FKBP15: variants seen among roughly 807,000 people sequenced by gnomAD.
FKBP15 encodes FKBP prolyl isomerase family member 15.
FKBP15 carries 106 observed loss-of-function variants against 158.1 expected under a neutral mutation model. The ratio of observed to expected loss-of-function variants is 0.67; its 90% CI spans 0.57 to 0.79. The LOEUF (loss-of-function observed/expected upper bound fraction) is 0.79. FKBP15 is among the 30% of genes least tolerant of loss of function. The pLI, the probability that FKBP15 is intolerant of heterozygous loss-of-function variation, is 0.00. For synonymous variants in FKBP15, 547 were observed against 548.6 expected, an observed-to-expected ratio of 1.00 and a Z score of 0.04; for missense variants, 1,287 against 1,479.1, an observed-to-expected ratio of 0.87 and a Z score of 2.13.
Position 113,204,955 on chromosome 9 carries a change from T to G in FKBP15, c.324+1554A>C, listed in dbSNP as rs1447895881. 2.0e-5 allele frequency among the ~76,000 whole-genome samples: 3 copies of G among 152,202 alleles called. No individual in the cohort carries two copies. The East Asian group carries it at 5.8e-4, about 29-fold the overall frequency. On this transcript the variant is annotated intron_variant, in intron 4 of 27. Transcript: ENST00000238256. ...GCAATATCTAGGTTATTTGTGAGTC[T>G]GCTCCTAGTTTATTTGTTCCCTTGA...
At chr9:113,206,659 TG>T in intron 3 of FKBP15, 81 bp from the exon 4 acceptor site, 1 of 747,580 alleles carries the variant, frequency 1.3e-6, no homozygotes. Flanking sequence ...CATACAGAAG[TG>T]GGAACAACAG....
At chr9:113,215,185 G>C (rs915484919) in intron 1 of FKBP15, among the ~76,000 whole-genome samples, 1 of 152,184 alleles carries the variant, frequency 6.6e-6, no homozygotes, top group African/African-American at 2.4e-5. Context: ...TGGCACAAGA[G>C]GCCTAGCTTT....
Position 113,165,959 on chromosome 9 carries a change from T to G in FKBP15, c.*119A>C. The G allele has an allele frequency of 1.1e-6, 1 of 909,684 alleles. No individual in the cohort carries two copies. Among genetic ancestry groups the G allele is most frequent in the Non-Finnish European group, 1.7e-6 (1 of 603,804 alleles). 56.4% of individuals were successfully genotyped at this position (909,684 alleles called of 1,614,324 possible). ...CAACCCACCCTCTGAGCCCAAATAT[T>G]GTTCCCAGAATGCTCACCTTGACCT... On this transcript the variant is annotated 3_prime_UTR_variant, in exon 28 of 28. Coordinates refer to ENST00000238256, the MANE Select transcript of FKBP15 (RefSeq NM_015258.2).
chr9:113,169,852 G>T lies in FKBP15; in HGVS notation c.2857C>A (p.Arg953=), dbSNP rs1486661882. ...EEEEKAEERP[R]RPSQEQSASA... ...GCTGACTGCTCCTGGGAAGGTCTTC[G>T]TGGCCGCTCTTCTGCTTTTTCTTCT... Residue 953 remains arginine (R), a synonymous_variant, in exon 26 of 28, where the codon CGA becomes AGA. Coordinates refer to ENST00000238256, the MANE Select transcript of FKBP15 (RefSeq NM_015258.2). 1.3e-6 allele frequency: 2 copies of T among 1,553,156 alleles called. No homozygotes were observed.
In FKBP15 at chr9:113,184,819, G is replaced by A. The variant is rs1205674010; in HGVS notation, c.1499-15C>T. The A allele has an allele frequency of 1.9e-6, 3 of 1,570,586 alleles. No homozygotes were observed. Among genetic ancestry groups the A allele is most frequent in the Admixed American group, 3.7e-5 (2 of 53,704 alleles). On this transcript the variant is annotated splice_polypyrimidine_tract_variant and intron_variant, in intron 15 of 27. Transcript: ENST00000238256. This position sits in a 1 kb window ranked among gnomAD's most constrained non-coding sequence, Gnocchi z 4.5. ...ATCACCTGATCCTAAACAGATACAAGCCAAAAAGAAACTTATGAAACTGGA... is the reference window on the plus strand; with the variant it reads ...ATCACCTGATCCTAAACAGATACAAACCAAAAAGAAACTTATGAAACTGGA...
intron 1 of FKBP15, among the ~76,000 whole-genome samples, chr9:113,212,349 C>T (rs930214430): frequency 3.9e-4 from 60 of 151,912 alleles, no homozygotes; most frequent in Admixed American, 2.0e-3. Flanking sequence ...TCACCACACC[C>T]GGCTAATTTT....
intron 4 of FKBP15, chr9:113,206,192 G>T: frequency 2.7e-6 from 1 of 366,314 alleles, no homozygotes; most frequent in Non-Finnish European, 5.0e-6. Context: ...ATATATATGT[G>T]TGTATTTGTG....
chr9:113,184,527 G>A lies in FKBP15; in HGVS notation c.1609-128C>T, dbSNP rs1830453418. On this transcript the variant is annotated intron_variant, in intron 16 of 27. Coordinates refer to ENST00000238256, the MANE Select transcript of FKBP15 (RefSeq NM_015258.2). The surrounding 1 kb of genome is among the most constrained non-coding windows in gnomAD (Gnocchi z 4.5). ...GGGACAATCTCTAACTGTTAAGTTA[G>A]AGTTTTCTCCTACTAACTGGATCCC... 15 of 936,992 alleles carry A rather than the reference G, an allele frequency of 1.6e-5. No homozygotes were observed. Among genetic ancestry groups the A allele is most frequent in the Middle Eastern group, 2.1e-4 (1 of 4,736 alleles). 58.0% of individuals were successfully genotyped at this position (936,992 alleles called of 1,614,324 possible).
chr9:113,166,884 A>G (rs1464624404), intron 27 of FKBP15, among the ~76,000 whole-genome samples: 2 of 152,142 alleles, frequency 1.3e-5, no homozygotes, highest in Non-Finnish European at 2.9e-5. Context: ...GCTAGCAGGG[A>G]TTGATGCTAC....
At chr9:113,193,406 C>A in intron 11 of FKBP15, 86 bp downstream of exon 11, 2 of 1,092,690 alleles carry the variant, frequency 1.8e-6, no homozygotes, top group South Asian at 2.7e-5. Context: ...AACTCCTGCA[C>A]TGTAGTGATC....
At chr9:113,213,550 G>A (rs1327141373) in intron 1 of FKBP15, among the ~76,000 whole-genome samples, 1 of 150,368 alleles carries the variant, frequency 6.7e-6, no homozygotes, top group Non-Finnish European at 1.5e-5. Flanking sequence ...TTACAGCCTA[G>A]GTGACAGAGC....
chr9:113,175,950 T>C (rs900086189), intron 21 of FKBP15, among the ~76,000 whole-genome samples: 2 of 152,214 alleles, frequency 1.3e-5, no homozygotes, highest in Non-Finnish European at 2.9e-5. Flanking sequence ...AACCTGGTAA[T>C]ATTTATAAAA....
intron 1 of FKBP15, among the ~76,000 whole-genome samples, chr9:113,217,634 G>A (rs1587980804): frequency 6.6e-6 from 1 of 152,100 alleles, no homozygotes; most frequent in South Asian, 2.1e-4. Context: ...TTGAGGCCAG[G>A]AGTTCAAGAC....
chr9:113,199,815 T>C lies in FKBP15; in HGVS notation c.647A>G (p.Gln216Arg), dbSNP rs768974299. ...AACTTGCAGGGTGCATTTTCTTACCTGGCCCAGCACATGATTCTGAAAGAG... is the reference window on the plus strand; with the variant it reads ...AACTTGCAGGGTGCATTTTCTTACCCGGCCCAGCACATGATTCTGAAAGAG... ...GWLFQNHVLG[Q>R]VFDSTANKDK... The change falls in exon 7 of 28, where the codon CAG becomes CGG. Residue 216 changes from glutamine to arginine, a missense_variant and splice_region_variant. Transcript: ENST00000238256. 1.9e-6 allele frequency: 3 copies of C among 1,611,458 alleles called. No homozygotes were observed. The Admixed American group carries it at 5.0e-5, about 27-fold the overall frequency.
At chr9:113,202,854 C>A (rs1462084648) in intron 5 of FKBP15, 107 bp downstream of exon 5, 1 of 964,526 alleles carries the variant, frequency 1.0e-6, no homozygotes. Flanking sequence ...CACAAGGACA[C>A]CCAGGGCTGA....
chr9:113,218,377 T>TA (rs1831184208), intron 1 of FKBP15, among the ~76,000 whole-genome samples: 2 of 101,504 alleles, frequency 2.0e-5, no homozygotes, highest in African/African-American at 3.9e-5. Context: ...GTAAATACAA[T>TA]TATATATATA....
chr9:113,161,496 C>T lies in FKBP15; in HGVS notation c.*4582G>A. 2 of 1,613,376 alleles carry T rather than the reference C, an allele frequency of 1.2e-6. No individual in the cohort carries two copies. Among genetic ancestry groups the T allele is most frequent in the East Asian group, 2.2e-5 (1 of 44,886 alleles). ...GCCTGGCCAGGTCTCCACAACTCTGCCTCCTTTGACAGGCATGGCCCTTTC... is the reference window on the plus strand; with the variant it reads ...GCCTGGCCAGGTCTCCACAACTCTGTCTCCTTTGACAGGCATGGCCCTTTC... On this transcript the variant is annotated 3_prime_UTR_variant, in exon 28 of 28. Coordinates refer to ENST00000238256, the MANE Select transcript of FKBP15 (RefSeq NM_015258.2).
rs558812770 is a variant in FKBP15 at position 113,201,561 on chromosome 9, T to G, written c.498+970A>C. 1.1e-4 allele frequency among the ~76,000 whole-genome samples: 17 copies of G among 152,220 alleles called. No homozygotes were observed. The South Asian group carries it at 3.1e-3, about 28-fold the overall frequency. On this transcript the variant is annotated intron_variant, in intron 6 of 27. Transcript: ENST00000238256. ...GAGGGTGGAGCCCTCATGAATGGGA[T>G]TAGGGACCTTATTAAAGAGATACAG...
intron 12 of FKBP15, among the ~76,000 whole-genome samples, chr9:113,189,812 TA>T (rs1414561779): frequency 6.6e-6 from 1 of 152,164 alleles, no homozygotes; most frequent in Non-Finnish European, 1.5e-5. Flanking sequence ...AGAATTAAGT[TA>T]AAATTAAGTT....
Sources: gnomAD v4.1 joint callset for allele counts (sites outside exome capture counted in the v4.1 genomes callset) on GRCh38, gnomAD v4.1.1 for gene constraint, Gnocchi (gnomAD v3.1) non-coding constraint, MANE v1.5 for transcripts, NCBI Gene and HGNC (gene_info 2026-07-23, HGNC 2026-07-21) for gene names.